PRPF18: variants seen among roughly 807,000 people sequenced by gnomAD.
PRPF18 encodes pre-mRNA-splicing factor 18.
In PRPF18, 38 loss-of-function variants were observed where a neutral mutation model predicts 46.5. The ratio of observed to expected loss-of-function variants is 0.82; its 90% CI spans 0.63 to 1.07. PRPF18 has a LOEUF of 1.07. Among genes scored for constraint, PRPF18 ranks in the 50% least tolerant of loss-of-function variants. The pLI is 0.00. For synonymous variants in PRPF18, 152 were observed against 146.7 expected (o/e 1.04, Z -0.26); for missense variants, 263 against 410.0 (o/e 0.64, Z 3.10).
the PRPF18 span, among the ~76,000 whole-genome samples, chr10:13,650,548 C>T: frequency 0.048 from 7,335 of 152,200 alleles, 500 homozygotes; most frequent in African/African-American, 0.15. Context: ...AGCAGATGAT[C>T]GCCCTCCCAT....
intron 1 of PRPF18, among the ~76,000 whole-genome samples, chr10:13,590,896 C>A (rs1476994867): frequency 6.6e-6 from 1 of 152,110 alleles, no homozygotes; most frequent in Non-Finnish European, 1.5e-5. Flanking sequence ...AAACATAGAA[C>A]TAGTTTTGAT....
At chr10:13,595,977 T>C (rs115356836) in intron 1 of PRPF18, among the ~76,000 whole-genome samples, 2,229 of 152,316 alleles carry the variant, frequency 0.015, 59 homozygotes, top group African/African-American at 0.051. Context: ...AAAATTAGTT[T>C]GTTAATTTTA....
chr10:13,643,045 A>G, the PRPF18 span: 4 of 152,246 alleles, frequency 2.6e-5, no homozygotes, highest in African/African-American at 9.7e-5. Flanking sequence ...TGCAGCAGTC[A>G]CTACTCAAGT....
Position 13,597,480 on chromosome 10 carries a change from G to T in PRPF18, c.89G>T (p.Arg30Leu), listed in dbSNP as rs201011132. Residue 30 changes from arginine to leucine, a missense_variant, in exon 2 of 10, where the codon CGT (arginine) becomes CTT (leucine). By Grantham distance (102) the Arg-to-Leu change is moderately radical. Transcript: ENST00000378572. ...LLVENKKYFK[R>L]SELAKKEEEA... ...TAGGAAAATAAAAAATATTTCAAGC[G>T]TAGTGAGCTCGCCAAAAAAGAAGAG... 2.5e-6 allele frequency: 4 copies of T among 1,607,216 alleles called. No individual in the cohort carries two copies. The highest frequency in any genetic ancestry group is 1.1e-5 in the South Asian group (1 of 89,654).
the PRPF18 span, chr10:13,652,113 C>A: frequency 2.9e-6 from 2 of 683,146 alleles, no homozygotes; most frequent in South Asian, 3.3e-5. Flanking sequence ...AGCAACAGAT[C>A]ATACAAGTCA....
At chr10:13,634,395 C>A (rs530667094), downstream of PRPF18, among the ~76,000 whole-genome samples, 2 of 152,208 alleles carry the variant, frequency 1.3e-5, no homozygotes, top group East Asian at 3.8e-4. Flanking sequence ...TTTCGAGCTG[C>A]CTTTTGGTGA....
At chr10:13,591,927 G>GTT in intron 1 of PRPF18, 1 of 1,325,992 alleles carries the variant, frequency 7.5e-7, no homozygotes, top group Non-Finnish European at 1.0e-6. Context: ...GTCAACTGAG[G>GTT]GTTTTTTTTT....
At chr10:13,639,586 G>A in the PRPF18 span, 3 of 152,060 alleles carry the variant, frequency 2.0e-5, no homozygotes, top group Non-Finnish European at 1.5e-5. Flanking sequence ...CTAAAAATTA[G>A]TTTGTCTTAA....
rs753236695 is a variant in PRPF18 at position 13,600,281 on chromosome 10, C to T, written c.182C>T (p.Ser61Leu). ...PKEEDQKPLT[S>L]SNPVLELELA... is the part of the protein sequence containing the mutation. ...GAGGAGGACCAGAAACCATTAACTT[C>T]ATCGAATCCAGTGTTAGAACTTGAA... The change falls in exon 3 of 10, where the codon TCA (serine) becomes TTA (leucine). Residue 61 changes from serine to leucine, a missense_variant. Around this residue, in one of 4 missense-constraint regions of PRPF18, gnomAD observed 71 missense variants for 69.2 expected, o/e 1.03. Transcript: ENST00000378572. The T allele has an allele frequency of 9.3e-6, 15 of 1,612,358 alleles. No homozygotes were observed. Among genetic ancestry groups the T allele is most frequent in the African/African-American group, 2.7e-5 (2 of 74,726 alleles).
At chr10:13,617,230 G>A (rs187201644) in intron 9 of PRPF18, among the ~76,000 whole-genome samples, 41 of 152,330 alleles carry the variant, frequency 2.7e-4, no homozygotes, top group Admixed American at 1.4e-3. Context: ...AAACTTGACA[G>A]TGATACTCCG....
chr10:13,612,376 G>T (rs980160360), intron 6 of PRPF18, among the ~76,000 whole-genome samples: 1 of 152,062 alleles, frequency 6.6e-6, no homozygotes, highest in Non-Finnish European at 1.5e-5. Flanking sequence ...GGATTCAAGC[G>T]ATTATCCTGC....
At chr10:13,620,281 G>A (rs1179568153) in intron 9 of PRPF18, among the ~76,000 whole-genome samples, 3 of 152,182 alleles carry the variant, frequency 2.0e-5, no homozygotes. Flanking sequence ...ATGTAGAAAA[G>A]AGGCAAGTGG....
chr10:13,648,410 T>C, the PRPF18 span, among the ~76,000 whole-genome samples: 2 of 152,128 alleles, frequency 1.3e-5, no homozygotes, highest in African/African-American at 2.4e-5. Flanking sequence ...AGGGGTCCTA[T>C]GTTTTTCTTA....
Position 13,624,550 on chromosome 10 carries a change from T to C in PRPF18, c.949-5710T>C, listed in dbSNP as rs772868253. Among the ~76,000 whole-genome samples, 14 of 152,348 alleles carry C rather than the reference T, an allele frequency of 9.2e-5. No homozygotes were observed. In the South Asian group the frequency reaches 1.2e-3, roughly 14 times the overall value. On this transcript the variant is annotated intron_variant, in intron 9 of 9. Coordinates refer to ENST00000378572, the MANE Select transcript of PRPF18 (RefSeq NM_003675.4). Reference sequence around the variant, plus strand: ...GGGGCTCCCCGCCCTCCTCCCACTCTAGCAGAAAATCGGGTTGCTTTTGGA... The same window carrying C: ...GGGGCTCCCCGCCCTCCTCCCACTCCAGCAGAAAATCGGGTTGCTTTTGGA...
At chr10:13,597,406 A>G in intron 1 of PRPF18, 52 bp from the exon 2 acceptor site, 4 of 1,288,824 alleles carry the variant, frequency 3.1e-6, no homozygotes, top group Non-Finnish European at 3.2e-6. Flanking sequence ...ACTATGGGAC[A>G]TGAAATTTTG....
intron 1 of PRPF18, chr10:13,591,943 T>TG: frequency 8.3e-7 from 1 of 1,202,798 alleles, no homozygotes; most frequent in Non-Finnish European, 1.2e-6. Flanking sequence ...TTTTTTTTTT[T>TG]GCCATGGCTC....
intron 3 of PRPF18, among the ~76,000 whole-genome samples, chr10:13,604,371 G>A (rs2080156116): frequency 6.6e-6 from 1 of 152,276 alleles, no homozygotes; most frequent in Admixed American, 6.5e-5. Flanking sequence ...TACATAGCAT[G>A]TATATAAAGT....
At position 13,587,055 on chromosome 10, in the gene PRPF18, C is replaced by T. The variant is rs367761319; in HGVS notation, c.-32C>T. The T allele has an allele frequency of 6.8e-6, 11 of 1,609,098 alleles. No homozygotes were observed. The African/African-American group carries it at 1.3e-4, about 20-fold the overall frequency. ...TGAGGCTGGGTTCGAGGAGCTGGAG[C>T]GGGAAACTGGAGCTTAAATTCTGGC... On this transcript the variant is annotated 5_prime_UTR_variant, in exon 1 of 10. Coordinates refer to ENST00000378572, the MANE Select transcript of PRPF18 (RefSeq NM_003675.4).
chr10:13,605,392 G>A (rs181818714), intron 3 of PRPF18, among the ~76,000 whole-genome samples: 17 of 152,076 alleles, frequency 1.1e-4, no homozygotes, highest in Admixed American at 8.5e-4. Flanking sequence ...GACCATCCTG[G>A]CCAACATGGT....
Sources: allele counts gnomAD v4.1 joint callset (sites outside exome capture counted in the v4.1 genomes callset), GRCh38; gene constraint gnomAD v4.1.1; regional missense constraint gnomAD v4.1.1; transcripts MANE v1.5; gene names NCBI Gene and HGNC (gene_info 2026-07-23, HGNC 2026-07-21).